Variants in ANO3 observed in about 807,000 individuals in gnomAD.
The protein encoded by ANO3 is anoctamin 3.
A neutral mutation model predicts 144.8 loss-of-function variants in ANO3; 99 were observed. The ratio of observed to expected loss-of-function variants is 0.68; its 90% CI spans 0.58 to 0.81. The LOEUF is 0.81. Ranked by LOEUF, ANO3 falls within the 30% of genes least tolerant of loss-of-function variation. The pLI, the probability that ANO3 is intolerant of heterozygous loss-of-function variation, is 0.00. For missense variants in ANO3, 905 were observed against 1,202.2 expected (o/e 0.75, Z 3.66); for synonymous variants, 414 against 392.6 (o/e 1.05, Z -0.64).
At chr11:26,253,931 C>A (rs968778587) in intron 1 of ANO3, among the ~76,000 whole-genome samples, 1 of 151,938 alleles carries the variant, frequency 6.6e-6, no homozygotes, top group Non-Finnish European at 1.5e-5. Context: ...AAATGTCGAG[C>A]GAATTTTACA....
At chr11:26,322,802 G>A (rs1854792904) in intron 1 of ANO3, among the ~76,000 whole-genome samples, 1 of 151,978 alleles carries the variant, frequency 6.6e-6, no homozygotes, top group Non-Finnish European at 1.5e-5. Flanking sequence ...CTCATAAGAG[G>A]GAAGTCACTG....
rs568633067 is a variant in ANO3 at position 26,382,105 on chromosome 11, AATAG to A, written c.46+49788_46+49791del. On this transcript the variant is annotated intron_variant, in intron 1 of 26. Coordinates refer to ENST00000256737, the MANE Select transcript of ANO3 (RefSeq NM_031418.4). Reference sequence around the variant, plus strand: ...TGTATATGAAATCTATCTATTAATAAATAGATATATTTCAATTTGTGCAAAGAGC... The same window carrying A: ...TGTATATGAAATCTATCTATTAATAAATATATTTCAATTTGTGCAAAGAGC... Among the ~76,000 whole-genome samples the A allele has an allele frequency of 1.4e-3, 207 of 152,274 alleles. 4 individuals carry two copies. The South Asian group carries it at 0.023, about 17-fold the overall frequency.
At chr11:26,601,458 G>T (rs1851797263) in intron 17 of ANO3, among the ~76,000 whole-genome samples, 1 of 152,044 alleles carries the variant, frequency 6.6e-6, no homozygotes. Flanking sequence ...TGTAGAAAGT[G>T]AATACTGTTT....
At chr11:26,213,888 C>G (rs1374676875) in intron 1 of ANO3, among the ~76,000 whole-genome samples, 1 of 151,936 alleles carries the variant, frequency 6.6e-6, no homozygotes, top group Non-Finnish European at 1.5e-5. Context: ...TTTTAAAGGA[C>G]TATTGCAAAT....
chr11:26,477,828 G>A lies in ANO3; in HGVS notation c.432+14680G>A, dbSNP rs377019958. Among the ~76,000 whole-genome samples, 11 of 152,200 alleles carry A rather than the reference G, an allele frequency of 7.2e-5. No individual in the cohort carries two copies. In the East Asian group the frequency reaches 2.1e-3, roughly 29 times the overall value. ...GGAAATCAATCTTGTCTTTAAAAAT[G>A]GGCAAAATTTTTTGAGTAATTTTAC... On this transcript the variant is annotated intron_variant, in intron 4 of 26. Coordinates refer to ENST00000256737, the MANE Select transcript of ANO3 (RefSeq NM_031418.4).
In ANO3 at chr11:26,560,019, A is replaced by G. The variant is rs59892800; in HGVS notation, c.1447+240A>G. The G allele has an allele frequency of 8.8e-4, 325 of 368,316 alleles. 1 individual carries two copies. In the East Asian group the frequency reaches 0.013, roughly 15 times the overall value. 22.8% of individuals were successfully genotyped at this position (368,316 alleles called of 1,614,324 possible). ...TAGACTTTCCTACATCAAGGAACAT[A>G]TTTTTTCTACCAAAGGAAGGTGGTA... On this transcript the variant is annotated intron_variant, in intron 14 of 26. Transcript: ENST00000256737.
chr11:26,438,363 A>G (rs1858371202), intron 1 of ANO3, among the ~76,000 whole-genome samples: 2 of 152,116 alleles, frequency 1.3e-5, no homozygotes, highest in South Asian at 4.1e-4. Flanking sequence ...AATATAGGCT[A>G]CAGACTAAGA....
intron 4 of ANO3, among the ~76,000 whole-genome samples, chr11:26,466,733 G>A (rs1004015380): frequency 6.6e-5 from 10 of 151,964 alleles, no homozygotes; most frequent in African/African-American, 1.7e-4. Context: ...AGTCCAGCCT[G>A]TGCACAGAAT....
intron 1 of ANO3, among the ~76,000 whole-genome samples, chr11:26,424,572 T>C (rs1457317223): frequency 6.6e-6 from 1 of 152,042 alleles, no homozygotes; most frequent in East Asian, 1.9e-4. Context: ...CCTCCCCTTG[T>C]TCCCCCCAAA....
upstream of ANO3, chr11:26,331,944 T>C (rs1347224625): frequency 4.3e-6 from 2 of 462,734 alleles, no homozygotes; most frequent in Non-Finnish European, 7.8e-6. Context: ...CTCCGATTTA[T>C]ATCTCCTCCT....
chr11:26,415,234 A>G (rs1401630850), intron 1 of ANO3, among the ~76,000 whole-genome samples: 1 of 152,078 alleles, frequency 6.6e-6, no homozygotes, highest in Non-Finnish European at 1.5e-5. Context: ...TAGACCTGCT[A>G]GGAATTTCAG....
chr11:26,563,861 T>A (rs1565107816), intron 14 of ANO3, among the ~76,000 whole-genome samples: 1 of 151,822 alleles, frequency 6.6e-6, no homozygotes, highest in Non-Finnish European at 1.5e-5. Context: ...TTACGGGAGT[T>A]CAAAATTTCA....
intron 1 of ANO3, among the ~76,000 whole-genome samples, chr11:26,229,600 G>T (rs1852345242): frequency 6.6e-6 from 1 of 152,014 alleles, no homozygotes; most frequent in African/African-American, 2.4e-5. Flanking sequence ...TTTCCTTTAG[G>T]AACATACTGT....
intron 4 of ANO3, among the ~76,000 whole-genome samples, chr11:26,486,382 A>T (rs965784055): frequency 2.0e-5 from 3 of 150,202 alleles, no homozygotes; most frequent in African/African-American, 7.3e-5. Context: ...AAAAAAAAGG[A>T]AGTCAAAATA....
At chr11:26,249,644 T>C (rs1313239765) in intron 1 of ANO3, among the ~76,000 whole-genome samples, 1 of 152,096 alleles carries the variant, frequency 6.6e-6, no homozygotes, top group East Asian at 1.9e-4. Context: ...TATTTTATAT[T>C]ATATTATTTG....
intron 1 of ANO3, among the ~76,000 whole-genome samples, chr11:26,405,398 G>C (rs1031605602): frequency 6.6e-6 from 1 of 151,774 alleles, no homozygotes. Flanking sequence ...CTAAATGTGT[G>C]TGCTTTAATT....
intron 3 of ANO3, among the ~76,000 whole-genome samples, chr11:26,446,572 G>A (rs537292550): frequency 1.3e-5 from 2 of 152,224 alleles, no homozygotes; most frequent in South Asian, 4.1e-4. Context: ...TTCTACTAAG[G>A]CTCCCTAACA....
chr11:26,582,976 T>C (rs561604473), intron 14 of ANO3, among the ~76,000 whole-genome samples: 1 of 152,294 alleles, frequency 6.6e-6, no homozygotes, highest in South Asian at 2.1e-4. Context: ...TTATGAAAAA[T>C]ACATGGCAAA....
intron 1 of ANO3, among the ~76,000 whole-genome samples, chr11:26,237,213 G>A (rs1336540621): frequency 6.6e-6 from 1 of 152,026 alleles, no homozygotes; most frequent in Non-Finnish European, 1.5e-5. Context: ...ACACTGTTAG[G>A]ATTAAATAGA....
Sources: gnomAD v4.1 joint callset for allele counts (sites outside exome capture counted in the v4.1 genomes callset) on GRCh38, gnomAD v4.1.1 for gene constraint, MANE v1.5 for transcripts, NCBI Gene and HGNC (gene_info 2026-07-23, HGNC 2026-07-21) for gene names.